NAALADL2: variants seen among roughly 807,000 people sequenced by gnomAD.
The protein encoded by NAALADL2 is N-acetylated alpha-linked acidic dipeptidase like 2.
Under a neutral mutation model 87.2 loss-of-function variants are expected in NAALADL2, and 76 were observed. The ratio of observed to expected loss-of-function variants is 0.87; its 90% CI spans 0.72 to 1.05. NAALADL2 has a LOEUF of 1.05. Ranked by LOEUF, NAALADL2 falls within the 50% of genes least tolerant of loss-of-function variation. The probability of loss-of-function intolerance (pLI) is 0.00; values close to 1 mark genes in which losing one functional copy is unlikely to be tolerated. For synonymous variants in NAALADL2, 354 were observed against 331.0 expected, an observed-to-expected ratio of 1.07 and a Z score of -0.75; for missense variants, 1,089 against 945.8, an observed-to-expected ratio of 1.15 and a Z score of -1.99.
chr3:175,258,104 T>C (rs568994101), intron 4 of NAALADL2, among the ~76,000 whole-genome samples: 17 of 151,984 alleles, frequency 1.1e-4, no homozygotes, highest in Admixed American at 3.3e-4. Flanking sequence ...GTCAGGAGAT[T>C]GAGACCATCT....
chr3:175,219,864 C>CTTTTTTTTTTTTTTTTTTTTTTTTTTT lies in NAALADL2; in HGVS notation c.546-14064_546-14063insTTTTTTTTTTTTTTTTTTTTTTTTTTT. ...TCTCTCAATAATAGTTTGTGGTTTTCTTTCTTTTTTTTTTTTTTGCCTATC... is the reference window on the plus strand; with the variant it reads ...TCTCTCAATAATAGTTTGTGGTTTTCTTTTTTTTTTTTTTTTTTTTTTTTTTTTTTCTTTTTTTTTTTTTTGCCTATC... On this transcript the variant is annotated intron_variant, in intron 2 of 13. Transcript: ENST00000454872. Among the ~76,000 whole-genome samples, 2 of 118,712 alleles carry CTTTTTTTTTTTTTTTTTTTTTTTTTTT rather than the reference C, an allele frequency of 1.7e-5. 1 individual carries two copies. Among genetic ancestry groups the CTTTTTTTTTTTTTTTTTTTTTTTTTTT allele is most frequent in the Admixed American group, 1.6e-4 (2 of 12,616 alleles). The allele number at this position is 118,712 out of a possible 152,430, so 77.9% of individuals were successfully genotyped here. A position where few individuals can be genotyped will look rare whatever the true frequency, so the allele number is the denominator to read the frequency against.
chr3:174,943,137 A>G lies in NAALADL2; in HGVS notation c.43+83687A>G, dbSNP rs1359292698. ...TTATTTGAGTTACAGGAGTTCTTGCATTAGTTCTTTCTCATCTGTGCATGT... is the reference window on the plus strand; with the variant it reads ...TTATTTGAGTTACAGGAGTTCTTGCGTTAGTTCTTTCTCATCTGTGCATGT... On this transcript the variant is annotated intron_variant, in intron 1 of 13. Transcript: ENST00000454872. Among the ~76,000 whole-genome samples the G allele has an allele frequency of 2.0e-5, 3 of 152,212 alleles. No individual in the cohort carries two copies. The East Asian group carries it at 5.8e-4, about 29-fold the overall frequency.
chr3:175,377,063 A>C (rs1439629376), intron 5 of NAALADL2, among the ~76,000 whole-genome samples: 1 of 152,064 alleles, frequency 6.6e-6, no homozygotes, highest in Admixed American at 6.6e-5. Context: ...CTGTAATTCC[A>C]GTACTTTGGG....
chr3:175,640,149 A>G (rs1051634538), intron 11 of NAALADL2, among the ~76,000 whole-genome samples: 1 of 152,056 alleles, frequency 6.6e-6, no homozygotes, highest in South Asian at 2.1e-4. Flanking sequence ...ACTTCATTAA[A>G]CCTCTCTAGA....
intron 2 of NAALADL2, 78 bp from the exon 3 acceptor site, chr3:175,233,853 C>T (rs2109484887): frequency 1.3e-6 from 1 of 755,060 alleles, no homozygotes; most frequent in Non-Finnish European, 2.2e-6. Flanking sequence ...TAATATTGTT[C>T]ATATATTGAG....
At chr3:175,739,341 C>T (rs550643605) in intron 12 of NAALADL2, among the ~76,000 whole-genome samples, 17 of 152,232 alleles carry the variant, frequency 1.1e-4, no homozygotes, top group African/African-American at 4.1e-4. Flanking sequence ...TCCTTCAAAC[C>T]TTGTTAGCAC....
chr3:174,584,411 A>T (rs1479511058), intron 2 of NAALADL2, among the ~76,000 whole-genome samples: 1 of 152,114 alleles, frequency 6.6e-6, no homozygotes, highest in East Asian at 1.9e-4. Context: ...AAATCCCAGA[A>T]AATTATTTTC....
intron 2 of NAALADL2, among the ~76,000 whole-genome samples, chr3:174,624,625 A>G (rs917189834): frequency 8.5e-5 from 2 of 23,502 alleles, no homozygotes; most frequent in African/African-American, 5.4e-4. Context: ...CTCCATCTCA[A>G]AAAAAAAAAA....
Position 175,256,430 on chromosome 3 carries a change from G to C in NAALADL2, c.839G>C (p.Ser280Thr). 1 of 1,610,874 alleles carries C rather than the reference G, an allele frequency of 6.2e-7. No individual in the cohort carries two copies. Residue 280 changes from serine to threonine, a missense_variant, in exon 4 of 14, where the codon AGT (serine) becomes ACT (threonine). By Grantham distance (58) the Ser-to-Thr change is moderately conservative (BLOSUM62 1). Coordinates refer to ENST00000454872, the MANE Select transcript of NAALADL2 (RefSeq NM_207015.3). ...TTTCAGGCTGAAGTCATCGATGTGAGTTATGGAATGGCAGATGATTTAAAA... is the reference window on the plus strand; with the variant it reads ...TTTCAGGCTGAAGTCATCGATGTGACTTATGGAATGGCAGATGATTTAAAA... ...GTLKAEVIDV[S>T]YGMADDLKRI...
intron 5 of NAALADL2, among the ~76,000 whole-genome samples, chr3:175,423,720 A>C (rs933976775): frequency 6.6e-6 from 1 of 152,212 alleles, no homozygotes; most frequent in Non-Finnish European, 1.5e-5. Context: ...GTGCCACAAT[A>C]AATATGCATG....
chr3:174,642,932 G>A (rs1279251753), intron 2 of NAALADL2, among the ~76,000 whole-genome samples: 1 of 151,892 alleles, frequency 6.6e-6, no homozygotes, highest in Non-Finnish European at 1.5e-5. Flanking sequence ...ATAGGCACAT[G>A]CTACGACACC....
chr3:174,450,890 A>AG (rs1559992422), intron 1 of NAALADL2, among the ~76,000 whole-genome samples: 7 of 150,076 alleles, frequency 4.7e-5, no homozygotes, highest in African/African-American at 9.8e-5. Flanking sequence ...AAAAAAAAAA[A>AG]AAAGAAAGAA....
chr3:174,544,937 A>G (rs151325779), intron 1 of NAALADL2, among the ~76,000 whole-genome samples: 1 of 152,132 alleles, frequency 6.6e-6, no homozygotes, highest in Non-Finnish European at 1.5e-5. Context: ...GTGCAGTGGT[A>G]TGAACATGGC....
intron 4 of NAALADL2, among the ~76,000 whole-genome samples, chr3:175,312,757 T>C (rs1359868640): frequency 6.6e-6 from 1 of 152,172 alleles, no homozygotes; most frequent in African/African-American, 2.4e-5. Flanking sequence ...AGAATTATAG[T>C]AACTTATATC....
chr3:174,764,557 C>A (rs1160499239), intron 3 of NAALADL2, among the ~76,000 whole-genome samples: 1 of 152,160 alleles, frequency 6.6e-6, no homozygotes, highest in Admixed American at 6.6e-5. Context: ...TTGCAATGAG[C>A]CAAGATTGTG....
At chr3:175,333,325 T>C (rs908175749) in intron 5 of NAALADL2, among the ~76,000 whole-genome samples, 1 of 152,160 alleles carries the variant, frequency 6.6e-6, no homozygotes, top group Non-Finnish European at 1.5e-5. Context: ...GCAGCCCTAT[T>C]TCTGGTGAAT....
At chr3:175,576,313 G>C (rs1718886642) in intron 10 of NAALADL2, 126 bp downstream of exon 10, 2 of 806,952 alleles carry the variant, frequency 2.5e-6, no homozygotes, top group Non-Finnish European at 1.9e-6. Flanking sequence ...TTCATTTAGA[G>C]AGTTATTCTT....
chr3:174,546,469 C>T (rs1722741197), intron 1 of NAALADL2, among the ~76,000 whole-genome samples: 1 of 152,022 alleles, frequency 6.6e-6, no homozygotes, highest in Non-Finnish European at 1.5e-5. Context: ...TGCAGTTTTC[C>T]CTTGATTTTC....
At chr3:175,004,144 C>T (rs1661628892) in intron 1 of NAALADL2, among the ~76,000 whole-genome samples, 1 of 152,020 alleles carries the variant, frequency 6.6e-6, no homozygotes, top group South Asian at 2.1e-4. Context: ...GAGGCCAAGG[C>T]AGGAGGCTCA....
Sources: allele counts gnomAD v4.1 joint callset (sites outside exome capture counted in the v4.1 genomes callset), GRCh38; gene constraint gnomAD v4.1.1; transcripts MANE v1.5; gene names NCBI Gene and HGNC (gene_info 2026-07-23, HGNC 2026-07-21).